The following NFATC1 variants were observed in gnomAD, a reference collection of about 807,000 sequenced individuals.
NFATC1 encodes nuclear factor of activated T cells 1.
In NFATC1, 22 loss-of-function variants were observed where a neutral mutation model predicts 76.0. The observed-to-expected ratio is 0.29, with a 90% CI of 0.21 to 0.41. NFATC1 has a LOEUF of 0.41. Among genes scored for constraint, NFATC1 ranks in the 10% least tolerant of loss-of-function variants. The pLI is 1.00. For synonymous variants in NFATC1, 704 were observed against 613.1 expected (o/e 1.15, Z -2.19); for missense variants, 1,357 against 1,337.7 (o/e 1.01, Z -0.23).
At chr18:79,499,352 T>TCA (rs3085264) in intron 9 of NFATC1, among the ~76,000 whole-genome samples, 82,650 of 151,730 alleles carry the variant, frequency 0.54, 25,814 homozygotes, top group Non-Finnish European at 0.71. Context: ...TGTGAGTGTG[T>TCA]CACACACACA....
At chr18:79,418,388 C>G (rs2085951275) in intron 2 of NFATC1, among the ~76,000 whole-genome samples, 1 of 152,206 alleles carries the variant, frequency 6.6e-6, no homozygotes, top group South Asian at 2.1e-4. Context: ...ACCTACACTC[C>G]AGACTCCACC....
chr18:79,491,641 C>G (rs557657055), intron 9 of NFATC1, among the ~76,000 whole-genome samples: 2 of 152,218 alleles, frequency 1.3e-5, no homozygotes, highest in Non-Finnish European at 2.9e-5. Flanking sequence ...GGTCCACTTT[C>G]CAGCCTCCCC....
intron 2 of NFATC1, among the ~76,000 whole-genome samples, chr18:79,429,096 C>T (rs2086494796): frequency 6.6e-6 from 1 of 152,052 alleles, no homozygotes; most frequent in Non-Finnish European, 1.5e-5. Flanking sequence ...TGGTGGGCAC[C>T]TGTACTCCCA....
intron 9 of NFATC1, among the ~76,000 whole-genome samples, chr18:79,514,112 C>T (rs982664408): frequency 1.3e-5 from 2 of 152,130 alleles, no homozygotes; most frequent in Admixed American, 6.5e-5. Context: ...CAGGGATTGG[C>T]GTTCCCATCT....
At chr18:79,399,496 A>G (rs2085110158) in intron 1 of NFATC1, among the ~76,000 whole-genome samples, 1 of 152,180 alleles carries the variant, frequency 6.6e-6, no homozygotes, top group Admixed American at 6.5e-5. Context: ...TGGTGCGGAG[A>G]GCCCGGGGGA....
rs764800531 is a variant in NFATC1 at position 79,396,360 on chromosome 18, C to CG, written c.127+10dup. The CG allele has an allele frequency of 1.5e-6, 2 of 1,322,214 alleles. No homozygotes were observed. The highest frequency in any genetic ancestry group is 3.7e-5 in the South Asian group (2 of 53,604). 81.9% of individuals were successfully genotyped at this position (1,322,214 alleles called of 1,614,324 possible). A position where few individuals can be genotyped will look rare whatever the true frequency, so the allele number is the denominator to read the frequency against. ...GAAGTCAGCGGAGGAAGGTAAGCCC[C>CG]GCGCGGCCTCCGCCCCCGGACCCCT... On this transcript the variant is annotated intron_variant, in intron 1 of 9. Transcript: ENST00000427363.
At chr18:79,423,388 A>G (rs1009002779) in intron 2 of NFATC1, among the ~76,000 whole-genome samples, 3 of 152,146 alleles carry the variant, frequency 2.0e-5, no homozygotes, top group African/African-American at 7.2e-5. Flanking sequence ...GAGGCTGCCC[A>G]TGCACCCGGC....
At chr18:79,476,063 G>A (rs1332102212) in intron 8 of NFATC1, among the ~76,000 whole-genome samples, 2 of 151,828 alleles carry the variant, frequency 1.3e-5, no homozygotes, top group African/African-American at 4.9e-5. Context: ...GGCGGGAAGG[G>A]GCTTGTTGAG....
Position 79,410,557 on chromosome 18 carries a change from C to A in NFATC1, c.282C>A (p.Asp94Glu). The change falls in exon 2 of 10, where the codon GAC (aspartate) becomes GAA (glutamate). Residue 94 changes from aspartate to glutamate, a missense_variant. Coordinates refer to ENST00000427363, the MANE Select transcript of NFATC1 (RefSeq NM_001278669.2). The surrounding 1 kb of genome is among the most constrained non-coding windows in gnomAD (Gnocchi z 6.7). The part of the protein sequence containing the change: ...DHPSGYGAAL[D>E]GGPAGYFLSS... ...CCTCGGGGTACGGAGCAGCTTTGGACGGTGGGCCCGCGGGCTACTTCCTCT... is the reference window on the plus strand; with the variant it reads ...CCTCGGGGTACGGAGCAGCTTTGGAAGGTGGGCCCGCGGGCTACTTCCTCT... 1 of 1,611,658 alleles carries A rather than the reference C, an allele frequency of 6.2e-7. No individual in the cohort carries two copies. Among genetic ancestry groups the A allele is most frequent in the Non-Finnish European group, 8.5e-7 (1 of 1,180,000 alleles).
At chr18:79,405,084 G>A (rs761519533) in intron 1 of NFATC1, among the ~76,000 whole-genome samples, 16 of 152,168 alleles carry the variant, frequency 1.1e-4, no homozygotes, top group African/African-American at 3.6e-4. Context: ...TGCTCCCCGC[G>A]TGGCCGTCTG....
chr18:79,528,114 T>C lies in NFATC1; in HGVS notation c.*537T>C. Reference sequence around the variant, plus strand: ...GTATGAGTCTCCAACATTTGGAACGTTTCCTGGGCTGTCACGTACACTCCT... The same window carrying C: ...GTATGAGTCTCCAACATTTGGAACGCTTCCTGGGCTGTCACGTACACTCCT... On this transcript the variant is annotated 3_prime_UTR_variant, in exon 10 of 10. Transcript: ENST00000427363. 2.5e-6 allele frequency: 1 copy of C among 399,022 alleles called. No homozygotes were observed. The allele number at this position is 399,022 out of a possible 1,614,324, so 24.7% of individuals were successfully genotyped here. A position where few individuals can be genotyped will look rare whatever the true frequency, so the allele number is the denominator to read the frequency against.
At chr18:79,403,720 G>A (rs1286718826) in intron 1 of NFATC1, among the ~76,000 whole-genome samples, 1 of 152,254 alleles carries the variant, frequency 6.6e-6, no homozygotes, top group Admixed American at 6.5e-5. Flanking sequence ...GCATTTAATG[G>A]TTCCCTTGTG....
intron 8 of NFATC1, among the ~76,000 whole-genome samples, chr18:79,483,223 T>C (rs2089362638): frequency 7.6e-6 from 1 of 131,382 alleles, no homozygotes; most frequent in Non-Finnish European, 1.6e-5. Flanking sequence ...AATTCCAGCG[T>C]GACCTGGTCC....
chr18:79,519,478 G>A (rs1168415545), intron 9 of NFATC1, among the ~76,000 whole-genome samples: 3 of 152,090 alleles, frequency 2.0e-5, no homozygotes, highest in African/African-American at 4.8e-5. Context: ...GACCACAGGT[G>A]CACACCACCA....
intron 2 of NFATC1, among the ~76,000 whole-genome samples, chr18:79,428,949 A>T (rs1465997697): frequency 6.6e-6 from 1 of 151,584 alleles, no homozygotes; most frequent in Non-Finnish European, 1.5e-5. Flanking sequence ...GGCTGGGCAC[A>T]GTGGCTCACG....
At chr18:79,463,935 C>G (rs2144892708) in intron 7 of NFATC1, among the ~76,000 whole-genome samples, 1 of 152,380 alleles carries the variant, frequency 6.6e-6, no homozygotes, top group South Asian at 2.1e-4. Context: ...GCACTGAAAA[C>G]AATCCCAGCC....
At chr18:79,509,532 C>G (rs2090195349) in intron 9 of NFATC1, among the ~76,000 whole-genome samples, 1 of 152,256 alleles carries the variant, frequency 6.6e-6, no homozygotes, top group African/African-American at 2.4e-5. Context: ...ATGCCGTGGG[C>G]CTCACATGCA....
intron 2 of NFATC1, among the ~76,000 whole-genome samples, chr18:79,416,114 A>G (rs56764070): frequency 0.027 from 4,186 of 152,338 alleles, 203 homozygotes; most frequent in African/African-American, 0.096. Flanking sequence ...TTGGGCTGCA[A>G]TATTGAAGAT....
chr18:79,518,447 C>T (rs1025006344), intron 9 of NFATC1, among the ~76,000 whole-genome samples: 5 of 152,208 alleles, frequency 3.3e-5, no homozygotes, highest in Non-Finnish European at 7.3e-5. Context: ...GCGCTGCCTG[C>T]TTGTGTTCTG....
Sources: gnomAD v4.1 joint callset for allele counts (sites outside exome capture counted in the v4.1 genomes callset) on GRCh38, gnomAD v4.1.1 for gene constraint, Gnocchi (gnomAD v3.1) non-coding constraint, MANE v1.5 for transcripts, NCBI Gene and HGNC (gene_info 2026-07-23, HGNC 2026-07-21) for gene names.